VNN1: variants seen among roughly 807,000 people sequenced by gnomAD.
VNN1 encodes the protein vanin 1.
In VNN1, 29 loss-of-function variants were observed where a neutral mutation model predicts 41.9. The ratio of observed to expected loss-of-function variants is 0.69; its 90% CI spans 0.52 to 0.94. The LOEUF is 0.94. VNN1 is among the 40% of genes least tolerant of loss of function. VNN1 has a pLI of 0.00. For missense variants in VNN1, 637 were observed against 621.1 expected, an observed-to-expected ratio of 1.03 and a Z score of -0.27; for synonymous variants, 233 against 224.4, an observed-to-expected ratio of 1.04 and a Z score of -0.34.
chr6:132,690,537 C>A (rs901969897), intron 5 of VNN1, among the ~76,000 whole-genome samples: 2 of 152,202 alleles, frequency 1.3e-5, no homozygotes, highest in Non-Finnish European at 2.9e-5. Flanking sequence ...TTTAGTACTC[C>A]TCCAGCAAAA....
chr6:132,698,396 T>G (rs563223307), intron 2 of VNN1, among the ~76,000 whole-genome samples: 13 of 152,356 alleles, frequency 8.5e-5, no homozygotes, highest in Admixed American at 7.8e-4. Flanking sequence ...ATATTGGACA[T>G]GTGGGCAACT....
In VNN1 at chr6:132,693,185, G is replaced by A. The variant is rs1778316901; in HGVS notation, c.665C>T (p.Thr222Ile). 1.2e-6 allele frequency: 2 copies of A among 1,614,012 alleles called. No homozygotes were observed. Among genetic ancestry groups the A allele is most frequent in the African/African-American group, 2.7e-5 (2 of 74,920 alleles). The change falls in exon 4 of 7, where the codon ACC becomes ATC. Residue 222 changes from threonine (T) to isoleucine (I), a missense_variant. Thr to Ile is a moderately conservative substitution (Grantham distance 89, BLOSUM62 -1). Transcript: ENST00000367928. ...FDILFHDPAV[T>I]LVKDFHVDTI... ...GTCCACGTGGAAATCTTTCACCAAG[G>A]TAACAGCAGGATCATGGAAGAGTAT...
Position 132,692,281 on chromosome 6 carries a change from A to C in VNN1, c.1130T>G (p.Val377Gly), listed in dbSNP as rs562511251. The change falls in exon 5 of 7, where the codon GTG becomes GGG. Residue 377 changes from valine (V) to glycine (G), a missense_variant. Physicochemically the swap from Val to Gly is moderately radical, Grantham distance 109. Transcript: ENST00000367928. ...TCCGTCAAATGCCCCTAGAGCGTAC[A>C]CTTCATTTGGTATGTTCTCAGACAT... Reference protein sequence around the residue: ...YKMSENIPNEVYALGAFDGLH... With the variant: ...YKMSENIPNEGYALGAFDGLH... The C allele has an allele frequency of 6.2e-7, 1 of 1,613,958 alleles. No individual in the cohort carries two copies. The highest frequency in any genetic ancestry group is 2.2e-5 in the East Asian group (1 of 44,878).
rs563595278 is a variant in VNN1, at chr6:132,680,920, G to C, written c.*2220C>G. Among the ~76,000 whole-genome samples, 12 of 152,130 alleles carry C rather than the reference G, an allele frequency of 7.9e-5. No homozygotes were observed. The highest frequency in any genetic ancestry group is 2.9e-4 in the African/African-American group (12 of 41,490). On this transcript the variant is annotated 3_prime_UTR_variant, in exon 7 of 7. Coordinates refer to ENST00000367928, the MANE Select transcript of VNN1 (RefSeq NM_004666.3). Reference sequence around the variant, plus strand: ...TTTTTTAGTGTAGTGCTTTTCAGACGTAACTATTGGGAGTGTATTTTGAAA... The same window carrying C: ...TTTTTTAGTGTAGTGCTTTTCAGACCTAACTATTGGGAGTGTATTTTGAAA...
chr6:132,687,498 A>T (rs1311076490), intron 5 of VNN1, among the ~76,000 whole-genome samples: 2 of 152,180 alleles, frequency 1.3e-5, no homozygotes, highest in African/African-American at 2.4e-5. Context: ...TTCCAGGATG[A>T]CTCCTATCGT....
chr6:132,709,391 G>A (rs1247149483), intron 2 of VNN1, among the ~76,000 whole-genome samples: 1 of 152,126 alleles, frequency 6.6e-6, no homozygotes, highest in African/African-American at 2.4e-5. Context: ...AATTAAGGCA[G>A]CTGGGCGTGA....
chr6:132,701,288 A>C (rs969888988), intron 2 of VNN1, among the ~76,000 whole-genome samples: 1 of 152,244 alleles, frequency 6.6e-6, no homozygotes, highest in Non-Finnish European at 1.5e-5. Flanking sequence ...GGCATAATAA[A>C]GGTTAATATT....
chr6:132,683,350 G>A, intron 6 of VNN1, 28 bp from the exon 7 acceptor site: 1 of 1,591,566 alleles, frequency 6.3e-7, no homozygotes. Context: ...GTAGGCAAAG[G>A]CTACCTTCAA....
chr6:132,696,255 G>C (rs923274267), intron 2 of VNN1, among the ~76,000 whole-genome samples: 1 of 152,134 alleles, frequency 6.6e-6, no homozygotes, highest in Non-Finnish European at 1.5e-5. Flanking sequence ...CAGTGAACTG[G>C]AAGACAGGAC....
At chr6:132,704,911 C>T (rs1203580762) in intron 2 of VNN1, among the ~76,000 whole-genome samples, 5 of 151,664 alleles carry the variant, frequency 3.3e-5, no homozygotes, top group Non-Finnish European at 5.9e-5. Flanking sequence ...AACTACATGC[C>T]GATAAATTGG....
At position 132,711,770 on chromosome 6, in the gene VNN1, G is replaced by A. The variant is rs1458194344; in HGVS notation, c.280C>T (p.Pro94Ser). Residue 94 changes from proline to serine, a missense_variant, in exon 2 of 7, where the codon CCA (proline) becomes TCA (serine). Pro to Ser is a moderately conservative substitution (Grantham distance 74). Coordinates refer to ENST00000367928, the MANE Select transcript of VNN1 (RefSeq NM_004666.3). ...GGGTCTGGGATGTCCTCCAAATATG[G>A]GTAGAGAGAGTCCCTGTTGAAGTTC... ...GWNFNRDSLY[P>S]YLEDIPDPEV... 1 of 1,613,854 alleles carries A rather than the reference G, an allele frequency of 6.2e-7. No individual in the cohort carries two copies. The highest frequency in any genetic ancestry group is 1.7e-5 in the Admixed American group (1 of 59,968).
chr6:132,686,937 A>AAGTAC (rs879257637), intron 5 of VNN1, among the ~76,000 whole-genome samples: 3 of 152,164 alleles, frequency 2.0e-5, no homozygotes, highest in Admixed American at 6.5e-5. Flanking sequence ...AACAAAAATA[A>AAGTAC]AAGATTCAGT....
At position 132,682,354 on chromosome 6, in the gene VNN1, C is replaced by G. The variant is rs1347686583; in HGVS notation, c.*786G>C. ...TCTTTGATTCATTTGCCAGGGCTGCCTAACAAAGTACCATGGACTGGGTGA... is the reference window on the plus strand; with the variant it reads ...TCTTTGATTCATTTGCCAGGGCTGCGTAACAAAGTACCATGGACTGGGTGA... On this transcript the variant is annotated 3_prime_UTR_variant, in exon 7 of 7. Coordinates refer to ENST00000367928, the MANE Select transcript of VNN1 (RefSeq NM_004666.3). The G allele has an allele frequency of 6.6e-6, 1 of 152,202 alleles. No individual in the cohort carries two copies. The highest frequency in any genetic ancestry group is 1.5e-5 in the Non-Finnish European group (1 of 68,084). The allele number at this position is 152,202 out of a possible 1,614,324, so 9.4% of individuals were successfully genotyped here.
chr6:132,711,563 A>T (rs967353186), intron 2 of VNN1, 146 bp downstream of exon 2: 86 of 908,108 alleles, frequency 9.5e-5, no homozygotes, highest in Non-Finnish European at 1.3e-4. Context: ...TTGCTCTCCC[A>T]GTAAATATAC....
chr6:132,711,903 G>A, intron 1 of VNN1, 64 bp from the exon 2 acceptor site: 1 of 1,569,678 alleles, frequency 6.4e-7, no homozygotes, highest in Non-Finnish European at 8.6e-7. Context: ...CTGAGTGGCT[G>A]AGTAACAACT....
rs751028538 is a variant in VNN1, at chr6:132,693,258, T to A, written c.592A>T (p.Thr198Ser). The A allele has an allele frequency of 3.1e-6, 5 of 1,614,040 alleles. No homozygotes were observed. In the Admixed American group the frequency reaches 6.7e-5, roughly 22 times the overall value. Reference protein sequence around the residue: ...FNVPKEPEIVTFNTTFGSFGI... With the variant: ...FNVPKEPEIVSFNTTFGSFGI... ...AAACTTCCAAAGGTGGTATTGAAAG[T>A]CACAATCTCAGGCTCCTTGGGTACA... Residue 198 changes from threonine (T) to serine (S), a missense_variant, in exon 4 of 7, where the codon ACT becomes TCT. Coordinates refer to ENST00000367928, the MANE Select transcript of VNN1 (RefSeq NM_004666.3).
At chr6:132,683,663 A>C (rs1199101779) in intron 6 of VNN1, among the ~76,000 whole-genome samples, 2 of 152,202 alleles carry the variant, frequency 1.3e-5, no homozygotes, top group African/African-American at 2.4e-5. Context: ...GGCCCGAAGC[A>C]ATTGACTAAC....
intron 5 of VNN1, among the ~76,000 whole-genome samples, chr6:132,686,146 T>C (rs1398131633): frequency 1.3e-5 from 2 of 152,078 alleles, no homozygotes; most frequent in Non-Finnish European, 1.5e-5. Context: ...TTACACTTTT[T>C]AAAAAAAATG....
At chr6:132,700,932 T>A (rs1778441234) in intron 2 of VNN1, among the ~76,000 whole-genome samples, 1 of 152,182 alleles carries the variant, frequency 6.6e-6, no homozygotes, top group South Asian at 2.1e-4. Context: ...AATGGTATAA[T>A]GGATTTAAGC....
Sources: allele counts gnomAD v4.1 joint callset (sites outside exome capture counted in the v4.1 genomes callset), GRCh38; gene constraint gnomAD v4.1.1; transcripts MANE v1.5; gene names NCBI Gene and HGNC (gene_info 2026-07-23, HGNC 2026-07-21).